Variants in ERBB4 observed in about 807,000 individuals in gnomAD.
The protein encoded by ERBB4 is erb-b2 receptor tyrosine kinase 4.
Under a neutral mutation model 158.0 loss-of-function variants are expected in ERBB4, and 42 were observed. That is an observed-to-expected ratio of 0.27 (90% CI 0.21 to 0.34). ERBB4 has a LOEUF of 0.34. Among genes scored for constraint, ERBB4 ranks in the 10% least tolerant of loss-of-function variants. The probability of loss-of-function intolerance (pLI) is 1.00; values close to 1 mark genes in which losing one functional copy is unlikely to be tolerated. For missense variants in ERBB4, 1,333 were observed against 1,624.1 expected (o/e 0.82, Z 3.08); for synonymous variants, 583 against 558.7 (o/e 1.04, Z -0.61).
chr2:212,297,466 C>A (rs889571410), intron 1 of ERBB4, among the ~76,000 whole-genome samples: 10 of 151,866 alleles, frequency 6.6e-5, no homozygotes, highest in South Asian at 2.1e-4. Flanking sequence ...TTAAAGCTAA[C>A]AATTCATAAT....
intron 3 of ERBB4, among the ~76,000 whole-genome samples, chr2:211,918,593 CCTCTAGTACTATT>C (rs2125071779): frequency 6.6e-6 from 1 of 152,138 alleles, no homozygotes; most frequent in Non-Finnish European, 1.5e-5. Context: ...GGCAGTAGTC[CCTCTAGTACTATT>C]CTCCATATAC....
At chr2:212,011,694 G>A (rs2076391403) in intron 2 of ERBB4, among the ~76,000 whole-genome samples, 1 of 151,476 alleles carries the variant, frequency 6.6e-6, no homozygotes, top group Non-Finnish European at 1.5e-5. Flanking sequence ...AGGCTGTGGT[G>A]AGCTGAGACC....
chr2:211,750,509 C>G, intron 5 of ERBB4, 130 bp downstream of exon 5: 1 of 805,868 alleles, frequency 1.2e-6, no homozygotes, highest in Non-Finnish European at 2.2e-6. Flanking sequence ...TTTTCTTGGC[C>G]CAAAGCAAAT....
intron 1 of ERBB4, among the ~76,000 whole-genome samples, chr2:212,409,426 T>C (rs1282863562): frequency 1.3e-5 from 2 of 152,136 alleles, no homozygotes; most frequent in African/African-American, 4.8e-5. Context: ...TTTATTGCAG[T>C]GTAATCTACC....
chr2:212,493,444 A>G (rs936996834), intron 1 of ERBB4, among the ~76,000 whole-genome samples: 6 of 151,552 alleles, frequency 4.0e-5, no homozygotes, highest in African/African-American at 1.4e-4. Context: ...TTATTATGAT[A>G]TGGTAAATAT....
chr2:211,656,087 A>G (rs2071206130), intron 16 of ERBB4, among the ~76,000 whole-genome samples: 1 of 152,248 alleles, frequency 6.6e-6, no homozygotes, highest in South Asian at 2.1e-4. Context: ...TACAAACTGT[A>G]TGACTAAATT....
chr2:211,449,825 G>A lies in ERBB4; in HGVS notation c.2488-18725C>T, dbSNP rs551929179. ...GGCCTGGATATAAGTGTACTTAGAA[G>A]AAGAGCAGAACAAGCCTCTAGAGGC... On this transcript the variant is annotated intron_variant, in intron 20 of 27. Transcript: ENST00000342788. Among the ~76,000 whole-genome samples, 6 of 152,264 alleles carry A rather than the reference G, an allele frequency of 3.9e-5. No individual in the cohort carries two copies. The South Asian group carries it at 1.2e-3, about 32-fold the overall frequency.
At chr2:211,872,692 G>T (rs2078383519) in intron 3 of ERBB4, among the ~76,000 whole-genome samples, 1 of 152,038 alleles carries the variant, frequency 6.6e-6, no homozygotes, top group African/African-American at 2.4e-5. Flanking sequence ...AGAAATAATT[G>T]TTGTGCATTT....
intron 1 of ERBB4, among the ~76,000 whole-genome samples, chr2:212,389,501 T>C (rs549343088): frequency 6.6e-6 from 1 of 152,102 alleles, no homozygotes; most frequent in South Asian, 2.1e-4. Flanking sequence ...CCTGAAAAAT[T>C]CAACTCTGGT....
chr2:212,459,062 T>C (rs1322391714), intron 1 of ERBB4, among the ~76,000 whole-genome samples: 2 of 152,174 alleles, frequency 1.3e-5, no homozygotes, highest in Non-Finnish European at 2.9e-5. Context: ...GGGATTTAAG[T>C]ATAATCAAAT....
At chr2:212,349,870 A>G (rs2106338304) in intron 1 of ERBB4, among the ~76,000 whole-genome samples, 1 of 152,196 alleles carries the variant, frequency 6.6e-6, no homozygotes, top group Middle Eastern at 3.4e-3. Context: ...AGCAAAATCA[A>G]GGTTCTGTTA....
chr2:212,370,028 T>C (rs540012581), intron 1 of ERBB4, among the ~76,000 whole-genome samples: 1 of 152,254 alleles, frequency 6.6e-6, no homozygotes, highest in East Asian at 1.9e-4. Flanking sequence ...AATGAATTGG[T>C]GATTAGCTGA....
intron 3 of ERBB4, among the ~76,000 whole-genome samples, chr2:211,873,487 A>G (rs1297471971): frequency 3.3e-5 from 5 of 152,296 alleles, no homozygotes; most frequent in East Asian, 1.9e-4. Context: ...CCTAACATGT[A>G]GATTATGAAG....
chr2:211,743,660 C>T (rs2074868020), intron 5 of ERBB4, among the ~76,000 whole-genome samples: 1 of 152,148 alleles, frequency 6.6e-6, no homozygotes, highest in Non-Finnish European at 1.5e-5. Flanking sequence ...GTCATTCTTA[C>T]CTGTAAGCCT....
chr2:212,123,127 C>T lies in ERBB4; in HGVS notation c.234+1625G>A, dbSNP rs187480956. On this transcript the variant is annotated intron_variant, in intron 2 of 27. Transcript: ENST00000342788. The stretch of plus-strand genomic sequence containing the variant: ...AAAAAGTAAGTTCTTTTGGGCCGGG[C>T]GCGGTGGCTCACGCCTGTAATCCCA... 4.8e-3 allele frequency among the ~76,000 whole-genome samples: 737 copies of T among 152,280 alleles called. 11 individuals carry two copies. The highest frequency in any genetic ancestry group is 0.017 in the Middle Eastern group (5 of 294).
At chr2:212,211,246 C>T (rs1306203709) in intron 1 of ERBB4, among the ~76,000 whole-genome samples, 1 of 152,120 alleles carries the variant, frequency 6.6e-6, no homozygotes, top group Non-Finnish European at 1.5e-5. Flanking sequence ...CTGACTTCCA[C>T]TCATCCCTCC....
chr2:212,111,092 A>G (rs1235088724), intron 2 of ERBB4, among the ~76,000 whole-genome samples: 1 of 152,176 alleles, frequency 6.6e-6, no homozygotes, highest in Non-Finnish European at 1.5e-5. Flanking sequence ...ATCTTTGGCA[A>G]CAATGCTCTG....
At chr2:212,218,120 T>C (rs1304352460) in intron 1 of ERBB4, among the ~76,000 whole-genome samples, 1 of 151,298 alleles carries the variant, frequency 6.6e-6, no homozygotes, top group Admixed American at 6.6e-5. Context: ...AGCCTCAAAG[T>C]CTCCATTGCT....
At chr2:211,739,804 A>G (rs1369377908) in intron 5 of ERBB4, among the ~76,000 whole-genome samples, 1 of 152,108 alleles carries the variant, frequency 6.6e-6, no homozygotes, top group East Asian at 1.9e-4. Flanking sequence ...TTTTTAAGAT[A>G]TTCTTTAGAA....
Sources: allele counts gnomAD v4.1 joint callset (sites outside exome capture counted in the v4.1 genomes callset), GRCh38; gene constraint gnomAD v4.1.1; transcripts MANE v1.5; gene names NCBI Gene and HGNC (gene_info 2026-07-23, HGNC 2026-07-21).